Variants in PARD6G observed in about 807,000 individuals in gnomAD.
PARD6G encodes partitioning defective 6 homolog gamma.
PARD6G carries 7 observed loss-of-function variants against 10.7 expected under a neutral mutation model. The observed-to-expected ratio is 0.66, with a 90% CI of 0.37 to 1.23. The LOEUF is 1.23. Among genes scored for constraint, PARD6G ranks in the 50% most tolerant of loss-of-function variants. The pLI is 0.02. For synonymous variants in PARD6G, 287 were observed against 269.4 expected, an observed-to-expected ratio of 1.07 and a Z score of -0.64; for missense variants, 548 against 571.8, an observed-to-expected ratio of 0.96 and a Z score of 0.42.
rs550391280 is a variant in PARD6G at position 80,200,612 on chromosome 18, C to T, written c.295+2098G>A. Among the ~76,000 whole-genome samples the T allele has an allele frequency of 5.9e-5, 9 of 152,152 alleles. No homozygotes were observed. Among genetic ancestry groups the T allele is most frequent in the East Asian group, 3.9e-4 (2 of 5,166 alleles). ...GACAGAGGAAGGCAGGGGCTGCTGGCGACACGCTCACGCTATAACCACGAG... is the reference window on the plus strand; with the variant it reads ...GACAGAGGAAGGCAGGGGCTGCTGGTGACACGCTCACGCTATAACCACGAG... On this transcript the variant is annotated intron_variant, in intron 2 of 2. Transcript: ENST00000353265. This position sits in a 1 kb window ranked among gnomAD's most constrained non-coding sequence, Gnocchi z 4.4.
chr18:80,212,919 T>C (rs1006151960), intron 1 of PARD6G, among the ~76,000 whole-genome samples: 17 of 152,260 alleles, frequency 1.1e-4, no homozygotes, highest in Admixed American at 2.6e-4. Context: ...TATCAATCTT[T>C]CTTAAATGTA....
chr18:80,216,448 A>G (rs1236140633), intron 1 of PARD6G, among the ~76,000 whole-genome samples: 3 of 152,178 alleles, frequency 2.0e-5, no homozygotes, highest in Non-Finnish European at 2.9e-5. Context: ...AAATGAAATT[A>G]GAAATCAATA....
rs376518910 is a variant in PARD6G, at chr18:80,213,411, G to A, written c.73-10479C>T. Among the ~76,000 whole-genome samples the A allele has an allele frequency of 1.1e-4, 16 of 152,228 alleles. No homozygotes were observed. In the East Asian group the frequency reaches 2.5e-3, roughly 24 times the overall value. Reference sequence around the variant, plus strand: ...AGAAAGTGAAAGCTAAAGCAGACTTGGACTACCAGAGTGTTGAAGCTGTGT... The same window carrying A: ...AGAAAGTGAAAGCTAAAGCAGACTTAGACTACCAGAGTGTTGAAGCTGTGT... On this transcript the variant is annotated intron_variant, in intron 1 of 2. Transcript: ENST00000353265.
intron 2 of PARD6G, chr18:80,171,166 A>G (rs1336522880): frequency 6.6e-6 from 1 of 152,266 alleles, no homozygotes; most frequent in Non-Finnish European, 1.5e-5. Flanking sequence ...TACTATAGTC[A>G]GCATTTGCTG....
intron 1 of PARD6G, among the ~76,000 whole-genome samples, chr18:80,243,344 T>A (rs1038740146): frequency 6.6e-6 from 1 of 152,164 alleles, no homozygotes; most frequent in Admixed American, 6.5e-5. Flanking sequence ...GGCTACACCA[T>A]GACATGCCTA....
At chr18:80,174,224 G>A (rs755106492) in intron 2 of PARD6G, among the ~76,000 whole-genome samples, 1 of 152,184 alleles carries the variant, frequency 6.6e-6, no homozygotes, top group African/African-American at 2.4e-5. Flanking sequence ...AAGGGCTGAC[G>A]TGGAGGCTGA....
intron 1 of PARD6G, among the ~76,000 whole-genome samples, chr18:80,234,057 G>A (rs951393588): frequency 4.6e-5 from 7 of 152,160 alleles, no homozygotes; most frequent in African/African-American, 1.7e-4. Context: ...GAAGCTCTTG[G>A]CCCTGCGGGT....
Position 80,160,502 on chromosome 18 carries a change from T to C in PARD6G, c.400A>G (p.Ile134Val). 1 of 1,540,976 alleles carries C rather than the reference T, an allele frequency of 6.5e-7. No homozygotes were observed. Among genetic ancestry groups the C allele is most frequent in the Non-Finnish European group, 8.7e-7 (1 of 1,143,340 alleles). ...EGPRRRAHLD[I>V]GLPRDFRPVS... The stretch of plus-strand genomic sequence containing the variant: ...GGGCGGAAGTCGCGCGGGAGGCCGA[T>C]GTCCAGGTGTGCACGCCGCCGGGGT... The change falls in exon 3 of 3, where the codon ATC (isoleucine) becomes GTC (valine). Residue 134 changes from isoleucine (I) to valine (V), a missense_variant. Ile to Val is a conservative substitution (Grantham distance 29). Around this residue, in one of 2 missense-constraint regions of PARD6G, gnomAD observed 235 missense variants for 291.9 expected, o/e 0.81. Coordinates refer to ENST00000353265, the MANE Select transcript of PARD6G (RefSeq NM_032510.4).
chr18:80,157,296 T>A lies in PARD6G; in HGVS notation c.*2475A>T, dbSNP rs1231940240. 1.3e-5 allele frequency: 2 copies of A among 152,238 alleles called. No individual in the cohort carries two copies. Among genetic ancestry groups the A allele is most frequent in the Non-Finnish European group, 2.9e-5 (2 of 68,026 alleles). The allele number at this position is 152,238 out of a possible 1,614,324, so 9.4% of individuals were successfully genotyped here. ...ATATATAAAACCAAGAAAACTTTAA[T>A]ACATAATATGCATAGTTTTGTTTTT... On this transcript the variant is annotated 3_prime_UTR_variant, in exon 3 of 3. Coordinates refer to ENST00000353265, the MANE Select transcript of PARD6G (RefSeq NM_032510.4).
rs1967362311 is a variant in PARD6G, at chr18:80,231,955, G to C, written c.72+15322C>G. 6.6e-6 allele frequency among the ~76,000 whole-genome samples: 1 copy of C among 152,252 alleles called. No individual in the cohort carries two copies. The highest frequency in any genetic ancestry group is 1.5e-5 in the Non-Finnish European group (1 of 68,046). On this transcript the variant is annotated intron_variant, in intron 1 of 2. Transcript: ENST00000353265. This position sits in a 1 kb window ranked among gnomAD's most constrained non-coding sequence, Gnocchi z 4.2. ...ACACTGTGGGCCTGAGCTGCTGGCAGATTCAGCCTTCCGGCAGCTGAACCA... is the reference window on the plus strand; with the variant it reads ...ACACTGTGGGCCTGAGCTGCTGGCACATTCAGCCTTCCGGCAGCTGAACCA...
intron 2 of PARD6G, among the ~76,000 whole-genome samples, chr18:80,177,027 AC>A (rs2052812916): frequency 1.4e-5 from 2 of 144,492 alleles, no homozygotes; most frequent in South Asian, 4.4e-4. Context: ...GCGCGCGTGC[AC>A]ACACACACAC....
At chr18:80,236,345 C>G (rs375422423) in intron 1 of PARD6G, among the ~76,000 whole-genome samples, 1 of 152,104 alleles carries the variant, frequency 6.6e-6, no homozygotes, top group Non-Finnish European at 1.5e-5. Flanking sequence ...ATTGATGGGA[C>G]GTATCTCAAA....
At chr18:80,186,383 G>A (rs560739788) in intron 2 of PARD6G, among the ~76,000 whole-genome samples, 4 of 113,874 alleles carry the variant, frequency 3.5e-5, no homozygotes, top group East Asian at 2.7e-4. Flanking sequence ...ACACATGCTC[G>A]CACACCCTCA....
chr18:80,213,865 G>A (rs1967132131), intron 1 of PARD6G, among the ~76,000 whole-genome samples: 2 of 151,246 alleles, frequency 1.3e-5, no homozygotes, highest in South Asian at 4.2e-4. Flanking sequence ...GGCTGAGGCA[G>A]GAGAATGGCA....
rs1468632371 is a variant in PARD6G, at chr18:80,161,428, G to T, written c.296-822C>A. On this transcript the variant is annotated intron_variant, in intron 2 of 2. Coordinates refer to ENST00000353265, the MANE Select transcript of PARD6G (RefSeq NM_032510.4). The surrounding 1 kb of genome is among the most constrained non-coding windows in gnomAD (Gnocchi z 4.6). The stretch of plus-strand genomic sequence containing the variant: ...GGCAGTGTGTAAACTTTACCCTAAA[G>T]TTGGGCTACTGCAAAATAAAATGAA... Among the ~76,000 whole-genome samples, 1 of 152,086 alleles carries T rather than the reference G, an allele frequency of 6.6e-6. No individual in the cohort carries two copies. Among genetic ancestry groups the T allele is most frequent in the Admixed American group, 6.5e-5 (1 of 15,280 alleles).
At chr18:80,186,233 C>T (rs560725432) in intron 2 of PARD6G, among the ~76,000 whole-genome samples, 2 of 149,710 alleles carry the variant, frequency 1.3e-5, no homozygotes, top group African/African-American at 4.9e-5. Flanking sequence ...CACACCCTCA[C>T]GCATGCATGC....
In PARD6G at chr18:80,224,795, C is replaced by A. The variant is rs936550639; in HGVS notation, c.73-21863G>T. On this transcript the variant is annotated intron_variant, in intron 1 of 2. Transcript: ENST00000353265. The stretch of plus-strand genomic sequence containing the variant: ...CTGGGAGGCGGAGGTTGCAGTGAGC[C>A]GAGATCGCGCCACTGCTCTCCAGCC... 9.2e-5 allele frequency among the ~76,000 whole-genome samples: 14 copies of A among 151,772 alleles called. 1 individual carries two copies. The highest frequency in any genetic ancestry group is 1.9e-4 in the Non-Finnish European group (13 of 67,986).
Position 80,170,523 on chromosome 18 carries a change from C to T in PARD6G, c.296-9917G>A, listed in dbSNP as rs535362214. On this transcript the variant is annotated intron_variant, in intron 2 of 2. Transcript: ENST00000353265. ...GGTTGATAGTTGGAGGCGACCAGCA[C>T]ATTCTGATGAAGTAGGTGATGGTGC... The T allele has an allele frequency of 6.6e-5, 10 of 152,394 alleles. No individual in the cohort carries two copies. The East Asian group carries it at 7.7e-4, about 12-fold the overall frequency. The allele number at this position is 152,394 out of a possible 1,614,324, so 9.4% of individuals were successfully genotyped here. A position where few individuals can be genotyped will look rare whatever the true frequency, so the allele number is the denominator to read the frequency against.
rs2052891309 is a variant in PARD6G, at chr18:80,188,426, C to T, written c.295+14284G>A. Among the ~76,000 whole-genome samples the T allele has an allele frequency of 6.6e-6, 1 of 152,142 alleles. No individual in the cohort carries two copies. Among genetic ancestry groups the T allele is most frequent in the African/African-American group, 2.4e-5 (1 of 41,432 alleles). Reference sequence around the variant, plus strand: ...ACAGATGCAGTTCCAAGGACCTAGGCACCTCCTCATGGTGCCTTCCACCTG... The same window carrying T: ...ACAGATGCAGTTCCAAGGACCTAGGTACCTCCTCATGGTGCCTTCCACCTG... On this transcript the variant is annotated intron_variant, in intron 2 of 2. Transcript: ENST00000353265. This position sits in a 1 kb window ranked among gnomAD's most constrained non-coding sequence, Gnocchi z 5.4.
Sources: gnomAD v4.1 joint callset for allele counts (sites outside exome capture counted in the v4.1 genomes callset) on GRCh38, gnomAD v4.1.1 for gene constraint, gnomAD v4.1.1 regional missense constraint, Gnocchi (gnomAD v3.1) non-coding constraint, MANE v1.5 for transcripts, NCBI Gene and HGNC (gene_info 2026-07-23, HGNC 2026-07-21) for gene names.